The following FMNL2 variants were observed in gnomAD, a reference collection of about 807,000 sequenced individuals.
FMNL2 encodes formin like 2, also known as formin-like protein 2.
FMNL2 carries 51 observed loss-of-function variants against 130.2 expected under a neutral mutation model. The ratio of observed to expected loss-of-function variants is 0.39; its 90% CI spans 0.31 to 0.49. The LOEUF (loss-of-function observed/expected upper bound fraction) is 0.49. FMNL2 is among the 20% of genes least tolerant of loss of function. The pLI, the probability that FMNL2 is intolerant of heterozygous loss-of-function variation, is 0.85. For synonymous variants in FMNL2, 465 were observed against 467.1 expected (o/e 1.00, Z 0.06); for missense variants, 977 against 1,316.2 (o/e 0.74, Z 3.99).
At chr2:152,643,602 C>T (rs1683288846) in intron 25 of FMNL2, 3 of 1,515,598 alleles carry the variant, frequency 2.0e-6, no homozygotes, top group Non-Finnish European at 2.6e-6. Flanking sequence ...CAGGGCCCAC[C>T]AACATGCTAG....
intron 1 of FMNL2, among the ~76,000 whole-genome samples, chr2:152,483,270 C>A (rs917062734): frequency 6.6e-6 from 1 of 152,078 alleles, no homozygotes; most frequent in African/African-American, 2.4e-5. Flanking sequence ...TAGACCCTGA[C>A]TGGAAAGTCA....
chr2:152,635,741 A>G, intron 21 of FMNL2, among the ~76,000 whole-genome samples: 1 of 152,222 alleles, frequency 6.6e-6, no homozygotes, highest in East Asian at 1.9e-4. Context: ...GCCACACTGC[A>G]GACAGAAAGG....
At position 152,602,586 on chromosome 2, in the gene FMNL2, G is replaced by A. The variant is rs139581523; in HGVS notation, c.877-4753G>A. On this transcript the variant is annotated intron_variant, in intron 9 of 25. Transcript: ENST00000288670. ...CTGGTATCAAAGCTGGTGGGAGAAC[G>A]AGATATACCAGTGAATATAAAAGTC... Among the ~76,000 whole-genome samples, 9 of 152,266 alleles carry A rather than the reference G, an allele frequency of 5.9e-5. No individual in the cohort carries two copies. In the East Asian group the frequency reaches 7.7e-4, roughly 13 times the overall value.
chr2:152,646,166 A>AAC (rs1553495133), intron 25 of FMNL2, among the ~76,000 whole-genome samples: 2 of 145,248 alleles, frequency 1.4e-5, no homozygotes, highest in Non-Finnish European at 3.1e-5. Context: ...ACAAAAAAAA[A>AAC]AAAACAAACA....
chr2:152,616,993 C>T (rs956935256), intron 12 of FMNL2, 98 bp from the exon 13 acceptor site: 12 of 944,036 alleles, frequency 1.3e-5, no homozygotes, highest in Admixed American at 1.2e-4. Context: ...ACATGCAGGG[C>T]CCTGGTCCCT....
rs60190638 is a variant in FMNL2, at chr2:152,436,304, A to G, written c.118-85639A>G. 3.9e-3 allele frequency among the ~76,000 whole-genome samples: 595 copies of G among 152,014 alleles called. 4 individuals are homozygous for G. Among genetic ancestry groups the G allele is most frequent in the African/African-American group, 0.014 (571 of 41,446 alleles). On this transcript the variant is annotated intron_variant, in intron 1 of 25. Coordinates refer to ENST00000288670, the MANE Select transcript of FMNL2 (RefSeq NM_052905.4). ...GCTGGGACTACTGGTGCACACTACT[A>G]TGCTTGGCTATTTTTTCCAATTTTG...
intron 1 of FMNL2, among the ~76,000 whole-genome samples, chr2:152,402,352 A>T (rs1247428012): frequency 1.3e-5 from 2 of 152,166 alleles, no homozygotes; most frequent in African/African-American, 4.8e-5. Flanking sequence ...CAGGCCAGGC[A>T]CATTCCCTGC....
intron 9 of FMNL2, among the ~76,000 whole-genome samples, chr2:152,589,660 T>C (rs1346139718): frequency 6.6e-6 from 1 of 152,026 alleles, no homozygotes; most frequent in Non-Finnish European, 1.5e-5. Context: ...GATCAGAAAA[T>C]CGGAGTCAAA....
chr2:152,540,579 A>G (rs970686058), intron 2 of FMNL2, among the ~76,000 whole-genome samples: 1 of 151,838 alleles, frequency 6.6e-6, no homozygotes, highest in Non-Finnish European at 1.5e-5. Context: ...ATTTTCAAGG[A>G]TAAACAATAA....
At chr2:152,340,776 C>T (rs55860423) in intron 1 of FMNL2, among the ~76,000 whole-genome samples, 58,991 of 152,088 alleles carry the variant, frequency 0.39, 14,220 homozygotes, top group Non-Finnish European at 0.55. Flanking sequence ...ACTGCAACCT[C>T]TGCTACCCGG....
intron 1 of FMNL2, among the ~76,000 whole-genome samples, chr2:152,393,577 A>G (rs987441987): frequency 2.0e-5 from 3 of 152,212 alleles, no homozygotes; most frequent in Admixed American, 6.5e-5. Flanking sequence ...CTTTTCCACA[A>G]ATCTTTCCTA....
intron 18 of FMNL2, among the ~76,000 whole-genome samples, 163 bp downstream of exon 18, chr2:152,628,696 T>C (rs1187250303): frequency 6.6e-6 from 1 of 152,218 alleles, no homozygotes; most frequent in Non-Finnish European, 1.5e-5. Context: ...CCACATTATG[T>C]ATGCAAAGTA....
chr2:152,582,638 T>C (rs568171286), intron 9 of FMNL2, among the ~76,000 whole-genome samples: 1 of 152,336 alleles, frequency 6.6e-6, no homozygotes, highest in South Asian at 2.1e-4. Context: ...GTACGAATGC[T>C]TGTCTGTGAA....
rs1339393295 is a variant in FMNL2, at chr2:152,398,332, A to ACTC, written c.117+62612_117+62613insCTC. On this transcript the variant is annotated intron_variant, in intron 1 of 25. Coordinates refer to ENST00000288670, the MANE Select transcript of FMNL2 (RefSeq NM_052905.4). Reference sequence around the variant, plus strand: ...TACACGACTTAAGGCTAAGTACCTAATTTGTAAGTCCTCATCTGTAAAATA... The same window carrying ACTC: ...TACACGACTTAAGGCTAAGTACCTAACTCTTTGTAAGTCCTCATCTGTAAAATA... Among the ~76,000 whole-genome samples, 3 of 152,216 alleles carry ACTC rather than the reference A, an allele frequency of 2.0e-5. No individual in the cohort carries two copies. In the East Asian group the frequency reaches 5.8e-4, roughly 29 times the overall value.
At chr2:152,407,482 G>C (rs1465052200) in intron 1 of FMNL2, among the ~76,000 whole-genome samples, 1 of 152,022 alleles carries the variant, frequency 6.6e-6, no homozygotes, top group Non-Finnish European at 1.5e-5. Flanking sequence ...TGCCCCTCCT[G>C]CTCACATTTC....
intron 1 of FMNL2, among the ~76,000 whole-genome samples, chr2:152,385,441 TA>T (rs1684726669): frequency 6.6e-6 from 1 of 152,310 alleles, no homozygotes; most frequent in African/African-American, 2.4e-5. Flanking sequence ...AGGCAAAATA[TA>T]AAATTCTTCC....
At chr2:152,361,219 A>G (rs1244118012) in intron 1 of FMNL2, among the ~76,000 whole-genome samples, 2 of 152,116 alleles carry the variant, frequency 1.3e-5, no homozygotes, top group African/African-American at 4.8e-5. Flanking sequence ...AGTTTTGCAT[A>G]TGTTGTGAGA....
chr2:152,537,067 A>C (rs1037275722), intron 2 of FMNL2, among the ~76,000 whole-genome samples: 13 of 152,182 alleles, frequency 8.5e-5, no homozygotes, highest in African/African-American at 3.1e-4. Flanking sequence ...GAGAAAGAGG[A>C]GGAGGACATG....
chr2:152,343,749 C>A (rs1424680207), intron 1 of FMNL2, among the ~76,000 whole-genome samples: 1 of 151,986 alleles, frequency 6.6e-6, no homozygotes, highest in Admixed American at 6.5e-5. Flanking sequence ...TTTTTTCTCT[C>A]CGTGGAAGTT....
Sources: gnomAD v4.1 joint callset for allele counts (sites outside exome capture counted in the v4.1 genomes callset) on GRCh38, gnomAD v4.1.1 for gene constraint, MANE v1.5 for transcripts, NCBI Gene and HGNC (gene_info 2026-07-23, HGNC 2026-07-21) for gene names.